Variants in BTBD2 observed in about 807,000 individuals in gnomAD.
BTBD2 encodes BTB domain containing 2.
BTBD2 carries 15 observed loss-of-function variants against 44.0 expected under a neutral mutation model. That is an observed-to-expected ratio of 0.34 (90% CI 0.23 to 0.53). BTBD2 has a LOEUF of 0.53. Ranked by LOEUF, BTBD2 falls within the 20% of genes least tolerant of loss-of-function variation. The probability of loss-of-function intolerance (pLI) is 0.95; values close to 1 mark genes in which losing one functional copy is unlikely to be tolerated. For missense variants in BTBD2, 657 were observed against 746.4 expected (o/e 0.88, Z 1.39); for synonymous variants, 443 against 335.9 (o/e 1.32, Z -3.49).
rs1381987471 is a variant in BTBD2, at chr19:2,015,539, AGGG to A, written c.162_164del (p.Pro55del). 1.2e-5 allele frequency: 11 copies of A among 909,360 alleles called. No homozygotes were observed. The East Asian group carries it at 1.6e-3, about 128-fold the overall frequency. 56.3% of individuals were successfully genotyped at this position (909,360 alleles called of 1,614,324 possible). ...CCGGCGGGGCGGGCGGCGTCGGCCC[AGGG>A]GCGGCGGCGGCGGCGGCGGCGGCGG... On this transcript the variant is annotated inframe_deletion, in exon 1 of 9. Coordinates refer to ENST00000255608, the MANE Select transcript of BTBD2 (RefSeq NM_017797.4).
chr19:1,987,364 C>A, intron 6 of BTBD2, 111 bp from the exon 7 acceptor site: 9 of 1,412,364 alleles, frequency 6.4e-6, no homozygotes, highest in Non-Finnish European at 8.5e-6. Context: ...GAGTCCTCCA[C>A]CCCCATGCCC....
At chr19:1,999,405 A>G (rs2016296059) in intron 1 of BTBD2, among the ~76,000 whole-genome samples, 1 of 152,244 alleles carries the variant, frequency 6.6e-6, no homozygotes, top group African/African-American at 2.4e-5. Context: ...GGTGGCCCAC[A>G]CCCGTCATCC....
At chr19:1,999,349 A>G (rs942313260) in intron 1 of BTBD2, among the ~76,000 whole-genome samples, 1 of 152,208 alleles carries the variant, frequency 6.6e-6, no homozygotes, top group Admixed American at 6.5e-5. Flanking sequence ...GGCTGGCCCT[A>G]AACAGTGGCT....
chr19:1,999,483 T>A (rs963648106), intron 1 of BTBD2, among the ~76,000 whole-genome samples: 1 of 151,928 alleles, frequency 6.6e-6, no homozygotes, highest in Non-Finnish European at 1.5e-5. Flanking sequence ...CTGGGCAACA[T>A]AGTGAGACCC....
chr19:2,006,225 C>G (rs1189103729), intron 1 of BTBD2, among the ~76,000 whole-genome samples: 1 of 152,204 alleles, frequency 6.6e-6, no homozygotes, highest in East Asian at 1.9e-4. Context: ...CTGTCCACAT[C>G]TGTAGTCCGT....
chr19:1,986,287 C>T lies in BTBD2; in HGVS notation c.*201G>A, dbSNP rs1449666467. 3.2e-5 allele frequency: 21 copies of T among 647,138 alleles called. No individual in the cohort carries two copies. The highest frequency in any genetic ancestry group is 1.4e-4 in the Admixed American group (5 of 34,672). The allele number at this position is 647,138 out of a possible 1,614,324, so 40.1% of individuals were successfully genotyped here. ...CTGGCCACTGGCCTGGCCACCTCCC[C>T]GGCTGCCCTGATCCAGCAGCCACAC... is the stretch of plus-strand genomic sequence containing the variant. On this transcript the variant is annotated 3_prime_UTR_variant, in exon 9 of 9. Transcript: ENST00000255608.
At chr19:1,999,012 T>C (rs2016289538) in intron 1 of BTBD2, among the ~76,000 whole-genome samples, 1 of 152,096 alleles carries the variant, frequency 6.6e-6, no homozygotes, top group African/African-American at 2.4e-5. Flanking sequence ...TCCGCACGGA[T>C]GGGACCTGCT....
chr19:2,006,872 T>C (rs568039298), intron 1 of BTBD2, among the ~76,000 whole-genome samples: 6 of 151,980 alleles, frequency 3.9e-5, no homozygotes, highest in Admixed American at 6.6e-5. Flanking sequence ...TATTTTTTAT[T>C]TTTTTGAGAC....
intron 1 of BTBD2, among the ~76,000 whole-genome samples, chr19:1,998,614 G>A (rs530105398): frequency 3.9e-5 from 6 of 152,270 alleles, no homozygotes; most frequent in African/African-American, 1.2e-4. Context: ...GCCTCCCCAA[G>A]AGCCGGCTAT....
rs2016525357 is a variant in BTBD2 at position 2,015,576 on chromosome 19, G to A, written c.128C>T (p.Ala43Val). The A allele has an allele frequency of 1.2e-6, 1 of 814,780 alleles. No individual in the cohort carries two copies. The highest frequency in any genetic ancestry group is 1.4e-6 in the Non-Finnish European group (1 of 690,736). 50.5% of individuals were successfully genotyped at this position (814,780 alleles called of 1,614,324 possible). A position where few individuals can be genotyped will look rare whatever the true frequency, so the allele number is the denominator to read the frequency against. Reference protein sequence around the residue: ...AATPAPGNAAAAAAAAAAAAA... With the variant: ...AATPAPGNAAVAAAAAAAAAA... ...GGCGGCGGCGGCGGCGGCGGCGGCGGCGGCCGCGTTGCCGGGGGCCGGGGT... is the reference window on the plus strand; with the variant it reads ...GGCGGCGGCGGCGGCGGCGGCGGCGACGGCCGCGTTGCCGGGGGCCGGGGT... Residue 43 changes from alanine (A) to valine (V), a missense_variant, in exon 1 of 9, where the codon GCC (alanine) becomes GTC (valine). By Grantham distance (64) the Ala-to-Val change is moderately conservative. Coordinates refer to ENST00000255608, the MANE Select transcript of BTBD2 (RefSeq NM_017797.4).
intron 4 of BTBD2, 119 bp downstream of exon 4, chr19:1,990,598 T>C (rs768176215): frequency 2.2e-6 from 2 of 929,214 alleles, no homozygotes; most frequent in Non-Finnish European, 3.2e-6. Flanking sequence ...CTGCTGCAAG[T>C]GGTGAGGCCC....
In BTBD2 at chr19:1,992,623, G is replaced by A. The variant is rs371198984; in HGVS notation, c.684+397C>T. On this transcript the variant is annotated intron_variant, in intron 3 of 8. Coordinates refer to ENST00000255608, the MANE Select transcript of BTBD2 (RefSeq NM_017797.4). ...GTCTCGCTCTGTCATGCACGCTGGA[G>A]TGCAGTGGTGCGATCTCGGCTCACT... Among the ~76,000 whole-genome samples, 9 of 152,132 alleles carry A rather than the reference G, an allele frequency of 5.9e-5. No individual in the cohort carries two copies. The East Asian group carries it at 1.7e-3, about 29-fold the overall frequency.
In BTBD2 at chr19:2,015,675, G is replaced by A. The variant is rs938558480; in HGVS notation, c.29C>T (p.Ala10Val). The A allele has an allele frequency of 3.0e-6, 3 of 989,124 alleles. No homozygotes were observed. The highest frequency in any genetic ancestry group is 2.0e-5 in the African/African-American group (1 of 50,320). The allele number at this position is 989,124 out of a possible 1,614,324, so 61.3% of individuals were successfully genotyped here. MAAGGSGGR[A>V]SCPPGVGVGP... Reference sequence around the variant, plus strand: ...GACCCCGACCCCCGGCGGGCACGACGCACGCCCGCCGCTCCCACCCGCCGC... The same window carrying A: ...GACCCCGACCCCCGGCGGGCACGACACACGCCCGCCGCTCCCACCCGCCGC... Residue 10 changes from alanine (A) to valine (V), a missense_variant, in exon 1 of 9, where the codon GCG becomes GTG. Around this residue, in one of 3 missense-constraint regions of BTBD2, gnomAD observed 191 missense variants for 188.5 expected, o/e 1.01. Coordinates refer to ENST00000255608, the MANE Select transcript of BTBD2 (RefSeq NM_017797.4).
chr19:1,997,598 C>T (rs2016268613), intron 1 of BTBD2, 135 bp from the exon 2 acceptor site: 8 of 1,330,648 alleles, frequency 6.0e-6, no homozygotes, highest in South Asian at 2.8e-5. Flanking sequence ...CCAGGCCCCC[C>T]GATGGCAGAG....
chr19:2,000,125 G>A (rs993955515), intron 1 of BTBD2, among the ~76,000 whole-genome samples: 12 of 152,268 alleles, frequency 7.9e-5, no homozygotes, highest in Admixed American at 1.3e-4. Flanking sequence ...AGGGAGCGCC[G>A]CCCTCGGACG....
intron 2 of BTBD2, among the ~76,000 whole-genome samples, chr19:1,996,604 C>T (rs2016254918): frequency 6.6e-6 from 1 of 150,794 alleles, no homozygotes; most frequent in Non-Finnish European, 1.5e-5. Flanking sequence ...AGGGAACTGG[C>T]TGGACACAGT....
At position 1,986,991 on chromosome 19, in the gene BTBD2, G is replaced by C; in HGVS notation, c.1270-15C>G. 1 of 1,608,614 alleles carries C rather than the reference G, an allele frequency of 6.2e-7. No homozygotes were observed. The highest frequency in any genetic ancestry group is 1.1e-5 in the South Asian group (1 of 90,624). On this transcript the variant is annotated splice_polypyrimidine_tract_variant and intron_variant, in intron 7 of 8. Transcript: ENST00000255608. ...GTGTGAATAATCTGCGGGGAGGTGG[G>C]AAGTGGGAGGCTCAGGCCTGGGGAG...
intron 1 of BTBD2, among the ~76,000 whole-genome samples, chr19:1,999,077 T>A (rs1302857298): frequency 9.9e-5 from 15 of 151,880 alleles, no homozygotes; most frequent in Non-Finnish European, 1.5e-4. Context: ...TCCACACAGC[T>A]CCCGGGAAAG....
chr19:1,999,191 C>T (rs1464973420), intron 1 of BTBD2, among the ~76,000 whole-genome samples: 2 of 152,190 alleles, frequency 1.3e-5, no homozygotes, highest in South Asian at 2.1e-4. Flanking sequence ...GGCTTGACTG[C>T]ACCCCAGAGT....
Sources: allele counts gnomAD v4.1 joint callset (sites outside exome capture counted in the v4.1 genomes callset), GRCh38; gene constraint gnomAD v4.1.1; regional missense constraint gnomAD v4.1.1; transcripts MANE v1.5; gene names NCBI Gene and HGNC (gene_info 2026-07-23, HGNC 2026-07-21).